The following SEC16B variants were observed in gnomAD, a reference collection of about 807,000 sequenced individuals.
The protein encoded by SEC16B is protein transport protein Sec16B.
Under a neutral mutation model 141.8 loss-of-function variants are expected in SEC16B, and 115 were observed. That is an observed-to-expected ratio of 0.81 (90% confidence interval 0.70 to 0.95). The LOEUF is 0.95. SEC16B is among the 40% of genes least tolerant of loss of function. The pLI is 0.00. For missense variants in SEC16B, 1,291 were observed against 1,312.3 expected, an observed-to-expected ratio of 0.98 and a Z score of 0.25; for synonymous variants, 493 against 492.5, an observed-to-expected ratio of 1.00 and a Z score of -0.01.
At chr1:177,942,659 C>T (rs1345343982) in intron 15 of SEC16B, among the ~76,000 whole-genome samples, 6 of 151,742 alleles carry the variant, frequency 4.0e-5, no homozygotes, top group Non-Finnish European at 7.4e-5. Context: ...CAGAGTGAGA[C>T]TCTGTCTCAA....
intron 2 of SEC16B, among the ~76,000 whole-genome samples, chr1:177,966,934 T>C (rs1056991583): frequency 1.3e-5 from 2 of 152,164 alleles, no homozygotes; most frequent in Non-Finnish European, 2.9e-5. Context: ...TGTCATAATT[T>C]CAACCCTGAA....
At chr1:177,950,450 C>T (rs1017210801) in intron 12 of SEC16B, among the ~76,000 whole-genome samples, 4 of 152,064 alleles carry the variant, frequency 2.6e-5, no homozygotes, top group African/African-American at 9.7e-5. Context: ...ATATAAATAA[C>T]TGGAAATAAA....
chr1:177,933,189 A>G (rs1557965762), intron 22 of SEC16B, 25 bp downstream of exon 22: 1 of 1,540,928 alleles, frequency 6.5e-7, no homozygotes, highest in Non-Finnish European at 8.8e-7. Flanking sequence ...AGAGAGGGGC[A>G]TCCTCCCCCT....
At chr1:177,982,365 T>G (rs530462899) in intron 1 of SEC16B, among the ~76,000 whole-genome samples, 80 of 152,290 alleles carry the variant, frequency 5.3e-4, no homozygotes, top group African/African-American at 1.9e-3. Context: ...AGTGTGGTAG[T>G]TCCAGAGGAG....
chr1:177,939,852 A>C (rs1651145527), intron 17 of SEC16B, 75 bp from the exon 18 acceptor site: 1 of 1,225,406 alleles, frequency 8.2e-7, no homozygotes, highest in Non-Finnish European at 1.1e-6. Flanking sequence ...AGTGATTCAA[A>C]ACTTAAGCCA....
At chr1:177,935,710 CCT>C (rs773620798) in intron 20 of SEC16B, among the ~76,000 whole-genome samples, 11 of 151,824 alleles carry the variant, frequency 7.2e-5, no homozygotes, top group Non-Finnish European at 1.5e-4. Flanking sequence ...GACCTGTACC[CCT>C]GTTTTTCTAC....
chr1:177,936,375 A>C lies in SEC16B; in HGVS notation c.2504-10T>G. ...GACACTGTGTTCTCTCCTGCATCAC[A>C]AACAGAAATGGAAATAGCAATTGGA... On this transcript the variant is annotated splice_polypyrimidine_tract_variant and intron_variant, in intron 19 of 25. Coordinates refer to ENST00000308284, the MANE Select transcript of SEC16B (RefSeq NM_033127.4). 1.2e-6 allele frequency: 2 copies of C among 1,603,790 alleles called. No homozygotes were observed. Among genetic ancestry groups the C allele is most frequent in the South Asian group, 1.1e-5 (1 of 88,674 alleles).
intron 1 of SEC16B, among the ~76,000 whole-genome samples, chr1:177,969,328 G>A (rs1015105189): frequency 1.3e-5 from 2 of 152,158 alleles, no homozygotes; most frequent in African/African-American, 4.8e-5. Context: ...AGAACAAGGT[G>A]CGGAGGGGGC....
At position 177,965,087 on chromosome 1, in the gene SEC16B, G is replaced by A. The variant is rs757289972; in HGVS notation, c.493C>T (p.Gln165Ter). 2.5e-6 allele frequency: 4 copies of A among 1,613,462 alleles called. No homozygotes were observed. Among genetic ancestry groups the A allele is most frequent in the Non-Finnish European group, 3.4e-6 (4 of 1,179,746 alleles). Residue 165 changes from glutamine to a stop codon, truncating the protein, a stop_gained, in exon 4 of 26, where the codon CAG (glutamine) becomes TAG (stop). Transcript: ENST00000308284. LOFTEE classifies it high-confidence loss of function. ...CTATTTGTTCCAAATGGACTGTGCT[G>A]GTTTTCATAATGATGTTCATCAAGG... ...KYLDEHHYENQHSPFGTNSET... is the reference protein window; with the variant it reads ...KYLDEHHYEN
chr1:177,947,891 G>C lies in SEC16B; in HGVS notation c.1597C>G (p.Leu533Val), dbSNP rs957407014. 3 of 1,560,306 alleles carry C rather than the reference G, an allele frequency of 1.9e-6. No individual in the cohort carries two copies. Among genetic ancestry groups the C allele is most frequent in the Non-Finnish European group, 2.6e-6 (3 of 1,152,226 alleles). Residue 533 changes from leucine (L) to valine (V), a missense_variant, in exon 13 of 26, where the codon CTG becomes GTG. Physicochemically the swap from Leu to Val is conservative, Grantham distance 32 (BLOSUM62 1). This residue lies in a region of SEC16B where 681 missense variants were observed against 675.5 expected (regional missense o/e 1.01). Transcript: ENST00000308284. ...TCTGGGTCCCCAGCCTGATTCGACA[G>C]AATCACAGCCAAGTGAGGCCTCCAG... The part of the protein sequence containing the change: ...GDWRPHLAVI[L>V]SNQAGDPELY...
intron 25 of SEC16B, 74 bp downstream of exon 25, chr1:177,930,471 G>C: frequency 1.1e-6 from 1 of 936,384 alleles, no homozygotes; most frequent in Non-Finnish European, 1.7e-6. Context: ...TGGTAAACTG[G>C]GATGATAAAC....
intron 10 of SEC16B, among the ~76,000 whole-genome samples, chr1:177,955,036 A>T (rs1327388003): frequency 6.6e-6 from 1 of 152,176 alleles, no homozygotes; most frequent in Non-Finnish European, 1.5e-5. Flanking sequence ...AATTTTGCAC[A>T]GAAAGCCCTA....
intron 18 of SEC16B, among the ~76,000 whole-genome samples, chr1:177,938,105 G>C (rs1368696720): frequency 1.3e-5 from 2 of 152,128 alleles, no homozygotes; most frequent in Non-Finnish European, 2.9e-5. Flanking sequence ...CTCAAGATGA[G>C]CAATGTTAGA....
At chr1:177,952,032 A>G in intron 11 of SEC16B, 37 bp from the exon 12 acceptor site, 1 of 1,548,996 alleles carries the variant, frequency 6.5e-7, no homozygotes, top group Non-Finnish European at 8.8e-7. Context: ...GACCAAGCCC[A>G]GGGAACCTCT....
At chr1:177,961,237 A>G in intron 6 of SEC16B, 2 of 445,122 alleles carry the variant, frequency 4.5e-6, no homozygotes, top group Non-Finnish European at 8.0e-6. Context: ...CATGGCCTCT[A>G]TACTCATGAC....
At chr1:177,942,751 G>A (rs1265174369) in intron 15 of SEC16B, among the ~76,000 whole-genome samples, 3 of 152,076 alleles carry the variant, frequency 2.0e-5, no homozygotes, top group Non-Finnish European at 4.4e-5. Flanking sequence ...GTAAGCGCTC[G>A]TGAAAGCATG....
chr1:177,969,092 G>A (rs1185080507), intron 1 of SEC16B, among the ~76,000 whole-genome samples: 1 of 152,148 alleles, frequency 6.6e-6, no homozygotes, highest in Non-Finnish European at 1.5e-5. Flanking sequence ...GGCTAGGTCG[G>A]CCTCGATTTT....
chr1:177,954,834 A>G (rs1302754385), intron 10 of SEC16B, among the ~76,000 whole-genome samples: 10 of 152,220 alleles, frequency 6.6e-5, no homozygotes, highest in Admixed American at 3.9e-4. Flanking sequence ...GTGTATATAT[A>G]CATATATATC....
chr1:177,968,475 A>C (rs1653728061), intron 1 of SEC16B, among the ~76,000 whole-genome samples: 1 of 152,164 alleles, frequency 6.6e-6, no homozygotes, highest in South Asian at 2.1e-4. Flanking sequence ...CTGCCACTTA[A>C]CTAGCTAGTT....
Sources: allele counts gnomAD v4.1 joint callset (sites outside exome capture counted in the v4.1 genomes callset), GRCh38; gene constraint gnomAD v4.1.1; regional missense constraint gnomAD v4.1.1; transcripts MANE v1.5; gene names NCBI Gene and HGNC (gene_info 2026-07-23, HGNC 2026-07-21).